The following BEAN1 variants were observed in gnomAD, a reference collection of about 807,000 sequenced individuals.
BEAN1 encodes the protein brain expressed associated with NEDD4 1, also known as protein BEAN1.
In BEAN1, 17 loss-of-function variants were observed where a neutral mutation model predicts 17.7. The observed-to-expected ratio is 0.96, with a 90% CI of 0.66 to 1.44. The LOEUF (loss-of-function observed/expected upper bound fraction) is 1.44. Among genes scored for constraint, BEAN1 ranks in the 40% most tolerant of loss-of-function variants. The probability of loss-of-function intolerance (pLI) is 0.00; values close to 1 mark genes in which losing one functional copy is unlikely to be tolerated. For missense variants in BEAN1, 359 were observed against 374.1 expected (o/e 0.96, Z 0.33); for synonymous variants, 142 against 151.8 (o/e 0.94, Z 0.47).
intron 2 of BEAN1, among the ~76,000 whole-genome samples, chr16:66,444,312 C>T (rs1039149447): frequency 2.0e-5 from 3 of 152,204 alleles, no homozygotes; most frequent in Non-Finnish European, 4.4e-5. Flanking sequence ...TCTCAAGCCC[C>T]TCCTTCCTGA....
rs940241256 is a variant in BEAN1, at chr16:66,434,702, C to T, written c.-82-2893C>T. On this transcript the variant is annotated intron_variant, in intron 1 of 4. Transcript: ENST00000536005. This position sits in a 1 kb window ranked among gnomAD's most constrained non-coding sequence, Gnocchi z 4.3. The stretch of plus-strand genomic sequence containing the variant: ...TGGCAGCCCGGGTTACTGTTGGCAT[C>T]GTGGTCACCAATGGTGACAAGATGC... Among the ~76,000 whole-genome samples, 5 of 152,084 alleles carry T rather than the reference C, an allele frequency of 3.3e-5. No individual in the cohort carries two copies. Among genetic ancestry groups the T allele is most frequent in the Non-Finnish European group, 5.9e-5 (4 of 68,008 alleles).
intron 2 of BEAN1, among the ~76,000 whole-genome samples, chr16:66,464,105 T>C (rs1347315090): frequency 6.6e-6 from 1 of 152,194 alleles, no homozygotes; most frequent in Non-Finnish European, 1.5e-5. Context: ...TTTAGCTACG[T>C]TTGGTCCTTT....
chr16:66,469,705 A>G lies in BEAN1; in HGVS notation c.129A>G (p.Ile43Met). Residue 43 changes from isoleucine (I) to methionine (M), a missense_variant, in exon 3 of 5, where the codon ATA becomes ATG. Coordinates refer to ENST00000536005, the MANE Select transcript of BEAN1 (RefSeq NM_001178020.3). ...CCGTGCTGGTGGCGAGTGCCGTCAT[A>G]GGTGTGGTCATCATCCTCTCCTGCA... ...VSPVLVASAV[I>M]GVVIILSCIT... The G allele has an allele frequency of 6.5e-7, 1 of 1,535,976 alleles. No homozygotes were observed. The highest frequency in any genetic ancestry group is 8.7e-7 in the Non-Finnish European group (1 of 1,146,872).
chr16:66,484,690 C>G (rs1252775945), downstream of BEAN1: 12 of 453,930 alleles, frequency 2.6e-5, no homozygotes, highest in Non-Finnish European at 5.3e-5. The surrounding 1 kb of genome is among the most constrained non-coding windows in gnomAD (Gnocchi z 4.2). Context: ...AGGCAGGAAA[C>G]AAGAAAGGCA....
intron 2 of BEAN1, among the ~76,000 whole-genome samples, chr16:66,457,785 CA>C (rs60561438): frequency 1.6e-4 from 22 of 137,426 alleles, no homozygotes; most frequent in East Asian, 4.2e-4. Flanking sequence ...AAAAGTTGCC[CA>C]AAAAAAAAAA....
intron 4 of BEAN1, among the ~76,000 whole-genome samples, chr16:66,491,723 G>A (rs1186036803): frequency 6.6e-6 from 1 of 152,104 alleles, no homozygotes; most frequent in African/African-American, 2.4e-5. Context: ...TTTTCATAAG[G>A]AGCACGCAAC....
chr16:66,472,341 G>A (rs764870715), intron 3 of BEAN1, among the ~76,000 whole-genome samples: 9 of 152,370 alleles, frequency 5.9e-5, no homozygotes, highest in Middle Eastern at 3.4e-3. Flanking sequence ...TGGAGGAAGC[G>A]CTCCATGGGC....
chr16:66,436,082 G>C (rs570283449), intron 1 of BEAN1, among the ~76,000 whole-genome samples: 1 of 152,194 alleles, frequency 6.6e-6, no homozygotes, highest in Non-Finnish European at 1.5e-5. Context: ...ACAGGGCTTG[G>C]CACTCATGAT....
Position 66,437,650 on chromosome 16 carries a change from G to C in BEAN1, c.-27G>C, listed in dbSNP as rs1481158546. On this transcript the variant is annotated 5_prime_UTR_variant, in exon 2 of 5. Transcript: ENST00000536005. ...CAGAGCTGTGCCCGTGGGCAGGCTGGCTCCGCTGTTCTGCTCCAAGGATTA... is the reference window on the plus strand; with the variant it reads ...CAGAGCTGTGCCCGTGGGCAGGCTGCCTCCGCTGTTCTGCTCCAAGGATTA... 8 of 1,535,404 alleles carry C rather than the reference G, an allele frequency of 5.2e-6. No individual in the cohort carries two copies. The highest frequency in any genetic ancestry group is 7.0e-6 in the Non-Finnish European group (8 of 1,146,482).
chr16:66,457,309 T>C (rs185832113), intron 2 of BEAN1, among the ~76,000 whole-genome samples: 26 of 152,294 alleles, frequency 1.7e-4, no homozygotes, highest in Admixed American at 1.3e-3. Context: ...GGTAAATGCC[T>C]GAGAGGATGG....
chr16:66,438,000 A>G (rs978951483), intron 2 of BEAN1: 1 of 494,614 alleles, frequency 2.0e-6, no homozygotes, highest in African/African-American at 1.9e-5. Context: ...ACACACAAAT[A>G]AAAGACTACA....
intron 2 of BEAN1, among the ~76,000 whole-genome samples, chr16:66,444,738 G>C (rs1373654431): frequency 1.3e-5 from 2 of 152,132 alleles, no homozygotes; most frequent in Admixed American, 6.5e-5. Flanking sequence ...TGTAAAATGG[G>C]GGTATCCCAG....
At chr16:66,456,177 C>A (rs1178662960) in intron 2 of BEAN1, among the ~76,000 whole-genome samples, 2 of 152,232 alleles carry the variant, frequency 1.3e-5, no homozygotes, top group Admixed American at 1.3e-4. Context: ...GATGACATGG[C>A]CTTCACACAA....
rs895021757 is a variant in BEAN1, at chr16:66,482,002, C to T, written c.*1077C>T. On this transcript the variant is annotated 3_prime_UTR_variant, in exon 5 of 5. Coordinates refer to ENST00000536005, the MANE Select transcript of BEAN1 (RefSeq NM_001178020.3). ...AGACAAAATGAAGGGGATATGCTCC[C>T]CATAAATACCACCTTGCCACCACAA... is the stretch of plus-strand genomic sequence containing the variant. 2 of 152,290 alleles carry T rather than the reference C, an allele frequency of 1.3e-5. No homozygotes were observed. Among genetic ancestry groups the T allele is most frequent in the Non-Finnish European group, 2.9e-5 (2 of 68,084 alleles). 9.4% of individuals were successfully genotyped at this position (152,290 alleles called of 1,614,324 possible).
chr16:66,479,016 G>C (rs545369487), intron 4 of BEAN1: 6 of 152,484 alleles, frequency 3.9e-5, no homozygotes, highest in Admixed American at 2.0e-4. Flanking sequence ...ACCTGGGTTT[G>C]AGCCCATCCT....
rs1392105702 is a variant in BEAN1 at position 66,427,441 on chromosome 16, G to T, written c.-83+10G>T. 1 of 151,378 alleles carries T rather than the reference G, an allele frequency of 6.6e-6. No individual in the cohort carries two copies. The highest frequency in any genetic ancestry group is 6.6e-5 in the Admixed American group (1 of 15,220). 9.4% of individuals were successfully genotyped at this position (151,378 alleles called of 1,614,324 possible). A position where few individuals can be genotyped will look rare whatever the true frequency, so the allele number is the denominator to read the frequency against. ...GCTGCAGCCAAGCCGAGTAAGGGGC[G>T]TGGGGCTGGGCGGCGCGGGGGAGGG... On this transcript the variant is annotated intron_variant, in intron 1 of 4. Coordinates refer to ENST00000536005, the MANE Select transcript of BEAN1 (RefSeq NM_001178020.3). This position sits in a 1 kb window ranked among gnomAD's most constrained non-coding sequence, Gnocchi z 4.7.
chr16:66,431,330 G>C (rs557025616), intron 1 of BEAN1, among the ~76,000 whole-genome samples: 1 of 152,142 alleles, frequency 6.6e-6, no homozygotes, highest in South Asian at 2.1e-4. Context: ...ATGAATTAAC[G>C]ATCACTGACT....
chr16:66,431,006 C>G lies in BEAN1; in HGVS notation c.-83+3575C>G, dbSNP rs1367121354. ...TCCCTCAAATATTTGGCAAATAGGA[C>G]TTGCTCAAGTGCCAAGGATAATTTG... On this transcript the variant is annotated intron_variant, in intron 1 of 4. Coordinates refer to ENST00000536005, the MANE Select transcript of BEAN1 (RefSeq NM_001178020.3). 2.6e-5 allele frequency among the ~76,000 whole-genome samples: 4 copies of G among 152,142 alleles called. No individual in the cohort carries two copies. In the East Asian group the frequency reaches 7.7e-4, roughly 29 times the overall value.
At chr16:66,431,804 T>C (rs929443679) in intron 1 of BEAN1, among the ~76,000 whole-genome samples, 1 of 151,892 alleles carries the variant, frequency 6.6e-6, no homozygotes, top group Non-Finnish European at 1.5e-5. Context: ...ATGTTATTAA[T>C]TTTTTTTGTT....
Sources: gnomAD v4.1 joint callset for allele counts (sites outside exome capture counted in the v4.1 genomes callset) on GRCh38, gnomAD v4.1.1 for gene constraint, Gnocchi (gnomAD v3.1) non-coding constraint, MANE v1.5 for transcripts, NCBI Gene and HGNC (gene_info 2026-07-23, HGNC 2026-07-21) for gene names.